The following ZNF385D variants were observed in gnomAD, a reference collection of about 807,000 sequenced individuals.
ZNF385D encodes zinc finger protein 659.
A neutral mutation model predicts 35.8 loss-of-function variants in ZNF385D; 15 were observed. That is an observed-to-expected ratio of 0.42 (90% CI 0.28 to 0.64). The LOEUF (loss-of-function observed/expected upper bound fraction) is 0.64, where lower values mean the gene tolerates loss of function less well. Ranked by LOEUF, ZNF385D falls within the 30% of genes least tolerant of loss-of-function variation. ZNF385D has a pLI of 0.23. For synonymous variants in ZNF385D, 212 were observed against 186.8 expected (o/e 1.13, Z -1.10); for missense variants, 474 against 494.6 (o/e 0.96, Z 0.39).
rs900732857 is a variant in ZNF385D at position 21,413,528 on chromosome 3, T to A, written c.*7686A>T. 9 of 152,072 alleles carry A rather than the reference T, an allele frequency of 5.9e-5. No homozygotes were observed. The highest frequency in any genetic ancestry group is 2.2e-4 in the African/African-American group (9 of 41,416). 9.4% of individuals were successfully genotyped at this position (152,072 alleles called of 1,614,324 possible). On this transcript the variant is annotated 3_prime_UTR_variant, in exon 8 of 8. Coordinates refer to ENST00000281523, the MANE Select transcript of ZNF385D (RefSeq NM_024697.3). ...GTCAACTGTACCTCCCTCCAATGCT[T>A]GTGGTAATGCTCTTTCAAATGAGGT...
intron 3 of ZNF385D, among the ~76,000 whole-genome samples, chr3:21,900,443 A>T (rs62236544): frequency 0.2 from 31,003 of 152,138 alleles, 3,218 homozygotes; most frequent in Middle Eastern, 0.3. Context: ...TGATTACAAT[A>T]ATATATCTTT....
At chr3:22,110,920 G>A (rs1448490625) in intron 3 of ZNF385D, among the ~76,000 whole-genome samples, 1 of 152,004 alleles carries the variant, frequency 6.6e-6, no homozygotes, top group East Asian at 1.9e-4. Context: ...TGAATATAAA[G>A]ACAAGAAATG....
At chr3:21,908,140 AT>A (rs1699783819) in intron 3 of ZNF385D, among the ~76,000 whole-genome samples, 1 of 149,126 alleles carries the variant, frequency 6.7e-6, no homozygotes, top group Non-Finnish European at 1.5e-5. Context: ...CTATCTATCT[AT>A]CTATCTATCT....
intron 2 of ZNF385D, among the ~76,000 whole-genome samples, chr3:22,334,943 A>G (rs545021994): frequency 2.0e-5 from 3 of 152,048 alleles, no homozygotes; most frequent in Non-Finnish European, 4.4e-5. Context: ...TTCAATATCA[A>G]TTTTTTCATA....
rs767091474 is a variant in ZNF385D at position 22,143,309 on chromosome 3, C to T, written c.325+25508G>A. 2.0e-5 allele frequency among the ~76,000 whole-genome samples: 3 copies of T among 152,070 alleles called. No individual in the cohort carries two copies. The East Asian group carries it at 5.8e-4, about 29-fold the overall frequency. On this transcript the variant is annotated intron_variant, in intron 3 of 5. Coordinates refer to the ZNF385D transcript ENST00000494108. ...CCGTGTTAGCCAGGATGGTCTTGAT[C>T]GCCTGACCTCCTGATCTGCCCGCCT...
intron 3 of ZNF385D, among the ~76,000 whole-genome samples, chr3:22,064,796 A>G (rs866923990): frequency 2.0e-5 from 3 of 152,186 alleles, no homozygotes; most frequent in Non-Finnish European, 4.4e-5. Context: ...CCTGGGTGGG[A>G]AAAGGGAGAT....
chr3:21,880,781 C>T (rs1056587443), intron 3 of ZNF385D, among the ~76,000 whole-genome samples: 3 of 151,770 alleles, frequency 2.0e-5, no homozygotes, highest in Admixed American at 6.6e-5. Context: ...ATGTTGTGAA[C>T]GCAAAGGAAA....
At chr3:21,467,827 G>T (rs1338120448) in intron 4 of ZNF385D, among the ~76,000 whole-genome samples, 3 of 152,128 alleles carry the variant, frequency 2.0e-5, no homozygotes, top group Non-Finnish European at 4.4e-5. Context: ...TGTGAACAAG[G>T]TAATACTTCT....
chr3:21,820,097 G>A (rs1471495023), intron 3 of ZNF385D, among the ~76,000 whole-genome samples: 1 of 151,392 alleles, frequency 6.6e-6, no homozygotes, highest in African/African-American at 2.4e-5. Context: ...TTTATCTAAT[G>A]AGCATTTAAT....
chr3:22,266,868 AG>A (rs1559488414), intron 2 of ZNF385D, among the ~76,000 whole-genome samples: 1 of 151,942 alleles, frequency 6.6e-6, no homozygotes, highest in East Asian at 1.9e-4. Flanking sequence ...TGGGAAAGGT[AG>A]TGTCATCCAT....
chr3:22,235,942 C>A (rs1032315523), intron 2 of ZNF385D, among the ~76,000 whole-genome samples: 2 of 152,058 alleles, frequency 1.3e-5, no homozygotes, highest in African/African-American at 4.8e-5. Flanking sequence ...TGCACATGCA[C>A]TTTAACTCAT....
chr3:22,147,456 T>C (rs1040025553), intron 3 of ZNF385D, among the ~76,000 whole-genome samples: 4 of 152,186 alleles, frequency 2.6e-5, no homozygotes, highest in Admixed American at 2.0e-4. Flanking sequence ...GAAAGAGATA[T>C]TCTCTTTTGC....
At chr3:22,226,433 A>G (rs1200485004) in intron 2 of ZNF385D, among the ~76,000 whole-genome samples, 1 of 152,192 alleles carries the variant, frequency 6.6e-6, no homozygotes, top group Non-Finnish European at 1.5e-5. Context: ...CCCTGATCCC[A>G]AGATTATTGT....
intron 1 of ZNF385D, among the ~76,000 whole-genome samples, chr3:21,734,942 A>G (rs543192668): frequency 1.3e-5 from 2 of 151,084 alleles, no homozygotes; most frequent in African/African-American, 4.8e-5. Context: ...GGAATGAGGG[A>G]GACTTGATCA....
intron 4 of ZNF385D, among the ~76,000 whole-genome samples, chr3:21,453,336 G>T (rs1702584267): frequency 6.6e-6 from 1 of 151,900 alleles, no homozygotes; most frequent in South Asian, 2.1e-4. Flanking sequence ...GGAAATAAAA[G>T]CATGAGGAAC....
rs553181028 is a variant in ZNF385D at position 21,987,998 on chromosome 3, G to A, written c.325+180819C>T. Among the ~76,000 whole-genome samples the A allele has an allele frequency of 9.2e-3, 1,343 of 145,688 alleles. 144 individuals carry two copies. Among genetic ancestry groups the A allele is most frequent in the Non-Finnish European group, 0.014 (900 of 65,610 alleles). On this transcript the variant is annotated intron_variant, in intron 3 of 5. Transcript: ENST00000494108. ...CTTCTGCATTCTTCACGTAGTTCTC[G>A]AGCCTTGGTTTTCAGCTCCATCAGC...
chr3:22,068,058 T>C (rs1360070873), intron 3 of ZNF385D, among the ~76,000 whole-genome samples: 1 of 152,152 alleles, frequency 6.6e-6, no homozygotes, highest in African/African-American at 2.4e-5. Context: ...TAGCCACTGG[T>C]TACCTGTGGC....
Position 21,788,836 on chromosome 3 carries a change from A to G in ZNF385D, c.326-123808T>C, listed in dbSNP as rs553162299. ...ATCCAACAACTGTAGAAGTTCAGAA[A>G]TGTCCAAGGCACTGGCCAATGTGGC... On this transcript the variant is annotated intron_variant, in intron 3 of 5. Transcript: ENST00000494108. Among the ~76,000 whole-genome samples the G allele has an allele frequency of 3.9e-5, 6 of 152,296 alleles. 1 individual carries two copies. Among genetic ancestry groups the G allele is most frequent in the African/African-American group, 1.4e-4 (6 of 41,576 alleles).
chr3:21,901,031 T>C (rs1316249180), intron 3 of ZNF385D, among the ~76,000 whole-genome samples: 1 of 152,232 alleles, frequency 6.6e-6, no homozygotes, highest in Non-Finnish European at 1.5e-5. Flanking sequence ...GGTATTGCCC[T>C]TGGATGATGA....
Sources: allele counts gnomAD v4.1 joint callset (sites outside exome capture counted in the v4.1 genomes callset), GRCh38; gene constraint gnomAD v4.1.1; transcripts MANE v1.5; gene names NCBI Gene and HGNC (gene_info 2026-07-23, HGNC 2026-07-21).